Variants in RECK observed in about 807,000 individuals in gnomAD.
RECK encodes reversion-inducing cysteine-rich protein with Kazal motifs.
RECK carries 69 observed loss-of-function variants against 115.1 expected under a neutral mutation model. That is an observed-to-expected ratio of 0.60 (90% CI 0.49 to 0.73). RECK has a LOEUF of 0.73. Among genes scored for constraint, RECK ranks in the 30% least tolerant of loss-of-function variants. The pLI is 0.00. For missense variants in RECK, 1,047 were observed against 1,203.7 expected (o/e 0.87, Z 1.93); for synonymous variants, 414 against 419.7 (o/e 0.99, Z 0.17).
At chr9:36,054,145 T>C (rs1821421637) in intron 2 of RECK, among the ~76,000 whole-genome samples, 1 of 152,110 alleles carries the variant, frequency 6.6e-6, no homozygotes, top group Non-Finnish European at 1.5e-5. Context: ...GAGAAGGAAA[T>C]GCTGTGAGTG....
At chr9:36,111,742 A>G (rs559858770) in intron 15 of RECK, among the ~76,000 whole-genome samples, 3 of 152,190 alleles carry the variant, frequency 2.0e-5, no homozygotes, top group Admixed American at 2.0e-4. Flanking sequence ...AGAAATCCCC[A>G]CACCAGACTT....
intron 14 of RECK, 70 bp downstream of exon 14, chr9:36,108,234 G>T: frequency 8.8e-7 from 1 of 1,140,706 alleles, no homozygotes; most frequent in South Asian, 1.6e-5. Context: ...AAGAATACTG[G>T]ATAGATTCTG....
chr9:36,062,165 T>G lies in RECK; in HGVS notation c.272-1630T>G, dbSNP rs1249745824. On this transcript the variant is annotated intron_variant, in intron 4 of 20. Transcript: ENST00000377966. ...ATTATTTCTTGCATCTCCTACTTTTTTTTTTTTTTTTTTGAGATGGAGTTT... is the reference window on the plus strand; with the variant it reads ...ATTATTTCTTGCATCTCCTACTTTTGTTTTTTTTTTTTTGAGATGGAGTTT... 4.0e-5 allele frequency among the ~76,000 whole-genome samples: 6 copies of G among 150,634 alleles called. No individual in the cohort carries two copies. The East Asian group carries it at 5.8e-4, about 15-fold the overall frequency.
chr9:36,072,879 C>T (rs1046599069), intron 6 of RECK: 1 of 152,122 alleles, frequency 6.6e-6, no homozygotes, highest in Non-Finnish European at 1.5e-5. Context: ...TCATTCTTCT[C>T]AGAAGTCACC....
At chr9:36,109,056 T>A (rs550939632) in intron 14 of RECK, among the ~76,000 whole-genome samples, 23 of 152,124 alleles carry the variant, frequency 1.5e-4, no homozygotes, top group African/African-American at 5.1e-4. Context: ...ATTTCTGCCT[T>A]AGAGCAAGTC....
At chr9:36,059,730 A>G (rs1480140753) in intron 3 of RECK, among the ~76,000 whole-genome samples, 1 of 152,178 alleles carries the variant, frequency 6.6e-6, no homozygotes, top group African/African-American at 2.4e-5. Context: ...CCAGACCAAG[A>G]AAGTGTGAGT....
At position 36,108,143 on chromosome 9, in the gene RECK, A is replaced by G. The variant is rs199710956; in HGVS notation, c.1744A>G (p.Ile582Val). The stretch of plus-strand genomic sequence containing the variant: ...CTGTATAGACCTCCAGAAGTCTTGT[A>G]TTGTTGGAGGAAAAAGAAAAAGTGA... Reference protein sequence around the residue: ...MHCIDLQKSCIVGGKRKSHGT... With the variant: ...MHCIDLQKSCVVGGKRKSHGT... Residue 582 changes from isoleucine to valine, a missense_variant, in exon 14 of 21, where the codon ATT becomes GTT. By Grantham distance (29) the Ile-to-Val change is conservative. Coordinates refer to ENST00000377966, the MANE Select transcript of RECK (RefSeq NM_021111.3). 264 of 1,589,302 alleles carry G rather than the reference A, an allele frequency of 1.7e-4. No individual in the cohort carries two copies. The highest frequency in any genetic ancestry group is 2.1e-4 in the Non-Finnish European group (250 of 1,173,132).
intron 6 of RECK, among the ~76,000 whole-genome samples, chr9:36,078,271 A>G (rs1822535067): frequency 6.6e-6 from 1 of 152,226 alleles, no homozygotes; most frequent in African/African-American, 2.4e-5. Context: ...GGACTAGATG[A>G]TTTCTCACAT....
chr9:36,044,149 A>C (rs1820987450), intron 1 of RECK, among the ~76,000 whole-genome samples: 2 of 151,774 alleles, frequency 1.3e-5, no homozygotes, highest in African/African-American at 4.8e-5. Flanking sequence ...TTCCTTCAGC[A>C]GTGTTTTGTA....
Position 36,094,389 on chromosome 9 carries a change from A to C in RECK, c.1085+3046A>C, listed in dbSNP as rs931260035. Among the ~76,000 whole-genome samples the C allele has an allele frequency of 3.3e-5, 5 of 152,150 alleles. No individual in the cohort carries two copies. The highest frequency in any genetic ancestry group is 1.2e-4 in the African/African-American group (5 of 41,452). Reference sequence around the variant, plus strand: ...ATTATTTGTGACATTGTATAGTATTAATTCAAGGAAAACTATAATAAATAA... The same window carrying C: ...ATTATTTGTGACATTGTATAGTATTCATTCAAGGAAAACTATAATAAATAA... On this transcript the variant is annotated intron_variant, in intron 10 of 20. Transcript: ENST00000377966. This position sits in a 1 kb window ranked among gnomAD's most constrained non-coding sequence, Gnocchi z 4.1.
At chr9:36,106,902 A>T (rs1823840495) in intron 13 of RECK, among the ~76,000 whole-genome samples, 2 of 151,886 alleles carry the variant, frequency 1.3e-5, no homozygotes, top group Admixed American at 1.3e-4. Context: ...CAGGAGATCA[A>T]GACCATCCTG....
chr9:36,040,356 C>T (rs567753029), intron 1 of RECK, among the ~76,000 whole-genome samples: 105 of 152,034 alleles, frequency 6.9e-4, no homozygotes, highest in Non-Finnish European at 1.2e-3. Context: ...AACTGAGATC[C>T]GAAGGCTGAG....
At chr9:36,037,996 A>T (rs1322099667) in intron 1 of RECK, among the ~76,000 whole-genome samples, 1 of 124,674 alleles carries the variant, frequency 8.0e-6, no homozygotes, top group African/African-American at 3.2e-5. Flanking sequence ...ACAGGCAGAG[A>T]CACCTTAAAA....
intron 13 of RECK, among the ~76,000 whole-genome samples, chr9:36,106,157 C>G (rs1050841076): frequency 3.4e-5 from 5 of 148,424 alleles, no homozygotes; most frequent in African/African-American, 1.3e-4. Flanking sequence ...TTGCAGTGAG[C>G]CAAGATCGCG....
At chr9:36,104,292 GTATATATATATATATATATATATA>G (rs11273343) in intron 12 of RECK, among the ~76,000 whole-genome samples, 8 of 43,884 alleles carry the variant, frequency 1.8e-4, no homozygotes, top group East Asian at 7.9e-4. Flanking sequence ...GTGTGTGTGT[GTATATATATATATATATATATATA>G]TATATATATA....
intron 11 of RECK, among the ~76,000 whole-genome samples, chr9:36,101,193 C>T (rs1048216572): frequency 6.6e-6 from 1 of 152,114 alleles, no homozygotes; most frequent in Non-Finnish European, 1.5e-5. Context: ...CCTGGTGATC[C>T]ACCCGCCTCG....
intron 16 of RECK, among the ~76,000 whole-genome samples, chr9:36,113,578 A>T (rs908945909): frequency 6.6e-6 from 1 of 152,204 alleles, no homozygotes; most frequent in African/African-American, 2.4e-5. Context: ...TTTTATAATA[A>T]AACAATAAAA....
At chr9:36,109,865 ATT>A (rs1291551745) in intron 14 of RECK, 90 bp from the exon 15 acceptor site, 9 of 1,271,000 alleles carry the variant, frequency 7.1e-6, no homozygotes, top group African/African-American at 1.5e-5. Context: ...AGGAATTTCC[ATT>A]TTAAAACTTG....
At chr9:36,060,176 A>G in intron 4 of RECK, 21 bp downstream of exon 4, 1 of 1,609,870 alleles carries the variant, frequency 6.2e-7, no homozygotes, top group Non-Finnish European at 8.5e-7. Flanking sequence ...AAAGTGTAAC[A>G]TTTAGCACTT....
Sources: gnomAD v4.1 joint callset for allele counts (sites outside exome capture counted in the v4.1 genomes callset) on GRCh38, gnomAD v4.1.1 for gene constraint, Gnocchi (gnomAD v3.1) non-coding constraint, MANE v1.5 for transcripts, NCBI Gene and HGNC (gene_info 2026-07-23, HGNC 2026-07-21) for gene names.